DLG2: variants seen among roughly 807,000 people sequenced by gnomAD.
DLG2 encodes the protein discs large MAGUK scaffold protein 2, also known as disks large homolog 2.
Under a neutral mutation model 132.5 loss-of-function variants are expected in DLG2, and 45 were observed. The observed-to-expected ratio is 0.34, with a 90% confidence interval of 0.27 to 0.44. The LOEUF (loss-of-function observed/expected upper bound fraction) is 0.44, where lower values mean the gene tolerates loss of function less well. Among genes scored for constraint, DLG2 ranks in the 20% least tolerant of loss-of-function variants. The probability of loss-of-function intolerance (pLI) is 1.00; values close to 1 mark genes in which losing one functional copy is unlikely to be tolerated. For synonymous variants in DLG2, 424 were observed against 419.6 expected, an observed-to-expected ratio of 1.01 and a Z score of -0.13; for missense variants, 1,045 against 1,196.9, an observed-to-expected ratio of 0.87 and a Z score of 1.87.
chr11:83,479,424 C>A (rs2092914952), intron 22 of DLG2, among the ~76,000 whole-genome samples: 1 of 152,100 alleles, frequency 6.6e-6, no homozygotes, highest in African/African-American at 2.4e-5. Context: ...ATACAATACT[C>A]ATTCAAACAA....
intron 7 of DLG2, among the ~76,000 whole-genome samples, chr11:84,254,281 T>C (rs901526984): frequency 6.6e-6 from 1 of 152,230 alleles, no homozygotes; most frequent in Non-Finnish European, 1.5e-5. Context: ...ATAAATTTTA[T>C]ACATACGCCT....
chr11:85,271,299 C>G (rs1466863885), intron 4 of DLG2, among the ~76,000 whole-genome samples: 1 of 152,198 alleles, frequency 6.6e-6, no homozygotes, highest in Non-Finnish European at 1.5e-5. Flanking sequence ...GTTTGGAAAC[C>G]TCCGCCTAGA....
chr11:84,820,771 A>C (rs1240170475), intron 6 of DLG2, among the ~76,000 whole-genome samples: 1 of 151,776 alleles, frequency 6.6e-6, no homozygotes, highest in Non-Finnish European at 1.5e-5. Flanking sequence ...TCTGTAAGGA[A>C]TTATTCTTTT....
At chr11:85,080,213 A>G (rs1266913473) in intron 6 of DLG2, among the ~76,000 whole-genome samples, 1 of 152,088 alleles carries the variant, frequency 6.6e-6, no homozygotes, top group Non-Finnish European at 1.5e-5. Flanking sequence ...GGCATTAGCA[A>G]TGAAAATAAA....
chr11:84,842,724 G>C (rs1284680402), intron 6 of DLG2, among the ~76,000 whole-genome samples: 1 of 151,850 alleles, frequency 6.6e-6, no homozygotes, highest in Non-Finnish European at 1.5e-5. Context: ...CAATGGAAGA[G>C]AAATATCTAG....
intron 6 of DLG2, among the ~76,000 whole-genome samples, chr11:84,653,498 C>T (rs1392502046): frequency 6.6e-6 from 1 of 152,168 alleles, no homozygotes; most frequent in Non-Finnish European, 1.5e-5. Context: ...AGTAATGACT[C>T]CCCTGTTACC....
At chr11:84,470,143 T>C (rs1156736040) in intron 7 of DLG2, among the ~76,000 whole-genome samples, 1 of 151,810 alleles carries the variant, frequency 6.6e-6, no homozygotes, top group Admixed American at 6.6e-5. Flanking sequence ...CATTGTTGAC[T>C]GAAATGTTGT....
chr11:84,919,900 T>A (rs2092678939), intron 6 of DLG2, among the ~76,000 whole-genome samples: 1 of 152,184 alleles, frequency 6.6e-6, no homozygotes, highest in Non-Finnish European at 1.5e-5. Context: ...TCACATTGCT[T>A]CTTTTTAGTG....
intron 3 of DLG2, among the ~76,000 whole-genome samples, chr11:85,591,430 C>T (rs1042637478): frequency 1.3e-5 from 2 of 152,146 alleles, no homozygotes; most frequent in Non-Finnish European, 2.9e-5. Context: ...TTCAACACTT[C>T]AAAATGTCAC....
chr11:83,470,634 T>C (rs2091911781), intron 24 of DLG2, among the ~76,000 whole-genome samples: 2 of 152,196 alleles, frequency 1.3e-5, no homozygotes, highest in Admixed American at 1.3e-4. Flanking sequence ...GTCTGAAGAC[T>C]TTCTCAGGAT....
chr11:84,375,027 G>A (rs188281306), intron 7 of DLG2, among the ~76,000 whole-genome samples: 461 of 152,208 alleles, frequency 3.0e-3, no homozygotes, highest in Non-Finnish European at 4.8e-3. Flanking sequence ...CCAGCTGGTA[G>A]ACTTATATTC....
intron 17 of DLG2, among the ~76,000 whole-genome samples, chr11:83,789,140 A>T (rs1230809853): frequency 3.3e-5 from 5 of 152,238 alleles, no homozygotes; most frequent in Non-Finnish European, 1.5e-5. Context: ...GTTAGAAGAT[A>T]TGTTGTAGAT....
intron 11 of DLG2, among the ~76,000 whole-genome samples, chr11:84,029,748 G>C (rs1346767451): frequency 6.6e-6 from 1 of 152,106 alleles, no homozygotes; most frequent in Admixed American, 6.6e-5. Flanking sequence ...GTTTAGGCCT[G>C]TGCTCTGTTC....
intron 6 of DLG2, among the ~76,000 whole-genome samples, chr11:85,065,863 A>T (rs1056159824): frequency 2.0e-5 from 3 of 151,482 alleles, no homozygotes; most frequent in Admixed American, 6.6e-5. Context: ...ATGTAAAAAA[A>T]ATAGAAAGAT....
chr11:83,851,627 C>CAA (rs376147145), intron 16 of DLG2, among the ~76,000 whole-genome samples: 4 of 113,496 alleles, frequency 3.5e-5, no homozygotes, highest in South Asian at 5.7e-4. Flanking sequence ...AACTCGGTCT[C>CAA]AAAAAAAAAA....
At chr11:84,554,996 C>T (rs776233128) in intron 6 of DLG2, among the ~76,000 whole-genome samples, 2 of 151,934 alleles carry the variant, frequency 1.3e-5, no homozygotes, top group East Asian at 1.9e-4. Context: ...GGAATTGACA[C>T]GGCTTTCTGA....
chr11:84,961,642 T>C (rs916012353), intron 6 of DLG2, among the ~76,000 whole-genome samples: 1 of 152,042 alleles, frequency 6.6e-6, no homozygotes, highest in Non-Finnish European at 1.5e-5. Flanking sequence ...CACCATCATT[T>C]ATGAAACTCC....
intron 3 of DLG2, among the ~76,000 whole-genome samples, chr11:85,485,333 C>G (rs1160360437): frequency 6.6e-6 from 1 of 151,732 alleles, no homozygotes; most frequent in Non-Finnish European, 1.5e-5. Context: ...GCACATGTAC[C>G]CTAAAACTTA....
intron 6 of DLG2, among the ~76,000 whole-genome samples, chr11:84,809,906 G>A (rs1370349303): frequency 6.6e-6 from 1 of 151,978 alleles, no homozygotes; most frequent in Non-Finnish European, 1.5e-5. Context: ...ACATAGATCA[G>A]TGGAACAGAA....
Sources: gnomAD v4.1 joint callset for allele counts (sites outside exome capture counted in the v4.1 genomes callset) on GRCh38, gnomAD v4.1.1 for gene constraint, MANE v1.5 for transcripts, NCBI Gene and HGNC (gene_info 2026-07-23, HGNC 2026-07-21) for gene names.